DCC: variants seen among roughly 807,000 people sequenced by gnomAD.
DCC encodes the protein DCC netrin 1 receptor.
In DCC, 58 loss-of-function variants were observed where a neutral mutation model predicts 172.5. The ratio of observed to expected loss-of-function variants is 0.34; its 90% CI spans 0.27 to 0.42. The LOEUF is 0.42. Among genes scored for constraint, DCC ranks in the 10% least tolerant of loss-of-function variants. The probability of loss-of-function intolerance (pLI) is 1.00; values close to 1 mark genes in which losing one functional copy is unlikely to be tolerated. For synonymous variants in DCC, 709 were observed against 644.5 expected (o/e 1.10, Z -1.52); for missense variants, 1,740 against 1,791.0 (o/e 0.97, Z 0.51).
intron 2 of DCC, among the ~76,000 whole-genome samples, chr18:52,829,341 G>T (rs1347567150): frequency 1.3e-5 from 2 of 152,214 alleles, no homozygotes; most frequent in Admixed American, 1.3e-4. Context: ...CTTAGTCCTA[G>T]TTGCAGTGCT....
intron 27 of DCC, among the ~76,000 whole-genome samples, chr18:53,526,278 C>A (rs2046454344): frequency 6.6e-6 from 1 of 152,068 alleles, no homozygotes; most frequent in African/African-American, 2.4e-5. Flanking sequence ...GGCTTTCTGG[C>A]CCTAAGCCGA....
At chr18:53,083,411 C>T (rs971240804) in intron 7 of DCC, among the ~76,000 whole-genome samples, 5 of 152,136 alleles carry the variant, frequency 3.3e-5, no homozygotes, top group Admixed American at 2.6e-4. Context: ...AAAGTGCACA[C>T]TGTATGTTGT....
chr18:52,887,119 C>T (rs552331125), intron 2 of DCC, among the ~76,000 whole-genome samples: 1 of 152,280 alleles, frequency 6.6e-6, no homozygotes, highest in African/African-American at 2.4e-5. Context: ...GGCAAGATTT[C>T]AAGTCAGACA....
chr18:52,773,345 G>A (rs1453798993), intron 2 of DCC, among the ~76,000 whole-genome samples: 14 of 152,086 alleles, frequency 9.2e-5, no homozygotes, highest in Admixed American at 3.9e-4. Flanking sequence ...TAGCCACAAC[G>A]AAGAGGTCAG....
At chr18:52,708,419 G>A (rs1246237322) in intron 1 of DCC, among the ~76,000 whole-genome samples, 2 of 145,318 alleles carry the variant, frequency 1.4e-5, no homozygotes, top group African/African-American at 2.5e-5. Context: ...TCCAGCCTGG[G>A]CAATAGAGCG....
At chr18:52,873,170 T>C (rs1175594549) in intron 2 of DCC, among the ~76,000 whole-genome samples, 1 of 152,196 alleles carries the variant, frequency 6.6e-6, no homozygotes, top group Non-Finnish European at 1.5e-5. Flanking sequence ...CCCGATAAAC[T>C]GTAAGACAAG....
intron 1 of DCC, among the ~76,000 whole-genome samples, chr18:52,486,055 T>C (rs1386548079): frequency 1.3e-5 from 2 of 152,170 alleles, no homozygotes; most frequent in African/African-American, 4.8e-5. Flanking sequence ...ACAGCATTCG[T>C]GCAGTCATAG....
intron 3 of DCC, among the ~76,000 whole-genome samples, chr18:52,911,764 T>A (rs955706164): frequency 1.3e-5 from 2 of 152,042 alleles, no homozygotes; most frequent in East Asian, 3.9e-4. Flanking sequence ...GAGTTTCTCA[T>A]ACTGTGTTTT....
chr18:52,606,508 G>C (rs1036458895), intron 1 of DCC, among the ~76,000 whole-genome samples: 3 of 152,096 alleles, frequency 2.0e-5, no homozygotes, highest in Non-Finnish European at 4.4e-5. Flanking sequence ...TGACAATCTA[G>C]TTGAAGAGCA....
rs570926342 is a variant in DCC, at chr18:52,456,998, A to C, written c.91+116120A>C. ...TTCCACTCTGGTTTGTATTGAAGTG[A>C]ATAGAATCCCAATTATACTTCACTT... On this transcript the variant is annotated intron_variant, in intron 1 of 28. Transcript: ENST00000442544. Among the ~76,000 whole-genome samples, 5 of 152,188 alleles carry C rather than the reference A, an allele frequency of 3.3e-5. No homozygotes were observed. In the East Asian group the frequency reaches 9.7e-4, roughly 29 times the overall value.
chr18:53,407,667 A>G (rs1303072349), intron 19 of DCC, among the ~76,000 whole-genome samples: 1 of 150,448 alleles, frequency 6.6e-6, no homozygotes, highest in Non-Finnish European at 1.5e-5. Flanking sequence ...TAGATATATT[A>G]CATAGTAATA....
intron 7 of DCC, among the ~76,000 whole-genome samples, chr18:53,091,753 A>G (rs552216708): frequency 1.3e-5 from 2 of 152,156 alleles, no homozygotes; most frequent in African/African-American, 4.8e-5. Context: ...TAGGATTTCA[A>G]CATCTGAATT....
intron 5 of DCC, among the ~76,000 whole-genome samples, chr18:52,954,421 C>T (rs1055472513): frequency 4.0e-5 from 6 of 151,814 alleles, no homozygotes; most frequent in Non-Finnish European, 8.8e-5. Context: ...CTAATTTAGT[C>T]TGACTTATTT....
intron 1 of DCC, among the ~76,000 whole-genome samples, chr18:52,476,703 T>A (rs1786650790): frequency 6.6e-6 from 1 of 152,192 alleles, no homozygotes; most frequent in Non-Finnish European, 1.5e-5. Flanking sequence ...TAAGTCACTG[T>A]CTGCAATAGT....
intron 15 of DCC, among the ~76,000 whole-genome samples, chr18:53,375,832 A>C (rs2058104636): frequency 6.6e-6 from 1 of 152,112 alleles, no homozygotes; most frequent in African/African-American, 2.4e-5. Flanking sequence ...ACGGCTTACC[A>C]ACTGGAGCAG....
At position 53,086,014 on chromosome 18, in the gene DCC, T is replaced by C. The variant is rs1352907216; in HGVS notation, c.1261+19848T>C. Among the ~76,000 whole-genome samples the C allele has an allele frequency of 9.6e-4, 18 of 18,692 alleles. 5 individuals are homozygous for C. In the African/African-American group the frequency reaches 0.011, roughly 11 times the overall value. 12.3% of individuals were successfully genotyped at this position (18,692 alleles called of 152,430 possible). A position where few individuals can be genotyped will look rare whatever the true frequency, so the allele number is the denominator to read the frequency against. On this transcript the variant is annotated intron_variant, in intron 7 of 28. Coordinates refer to ENST00000442544, the MANE Select transcript of DCC (RefSeq NM_005215.4). ...CTCCTTCTCCTTCTTCTCCTTCTCC[T>C]TCTCCCTCTCCCTCTCCCTCTCCCT...
intron 12 of DCC, among the ~76,000 whole-genome samples, chr18:53,246,338 C>G (rs2056364743): frequency 6.6e-6 from 1 of 151,994 alleles, no homozygotes; most frequent in African/African-American, 2.4e-5. Context: ...TAACTATTAA[C>G]TGGCTTCCTA....
chr18:52,515,626 A>AAAAAAAAAAAAAAAAAAAAAAAAAAAAC (rs2031609444), intron 1 of DCC, among the ~76,000 whole-genome samples: 1 of 131,568 alleles, frequency 7.6e-6, no homozygotes, highest in Non-Finnish European at 1.7e-5. Context: ...AAAAAAAAAA[A>AAAAAAAAAAAAAAAAAAAAAAAAAAAAC]TCATACAGGT....
chr18:53,232,033 T>C (rs2056129446), intron 12 of DCC, among the ~76,000 whole-genome samples: 1 of 152,164 alleles, frequency 6.6e-6, no homozygotes, highest in Non-Finnish European at 1.5e-5. Context: ...TAGGTCTAAC[T>C]TTCAGAAATG....
Sources: allele counts gnomAD v4.1 joint callset (sites outside exome capture counted in the v4.1 genomes callset), GRCh38; gene constraint gnomAD v4.1.1; transcripts MANE v1.5; gene names NCBI Gene and HGNC (gene_info 2026-07-23, HGNC 2026-07-21).